Variants in AGGF1 observed in about 807,000 individuals in gnomAD.
AGGF1 encodes the protein angiogenic factor with G-patch and FHA domains 1.
In AGGF1, 56 loss-of-function variants were observed where a neutral mutation model predicts 86.5. The ratio of observed to expected loss-of-function variants is 0.65; its 90% CI spans 0.52 to 0.81. AGGF1 has a LOEUF of 0.81. Among genes scored for constraint, AGGF1 ranks in the 30% least tolerant of loss-of-function variants. The pLI, the probability that AGGF1 is intolerant of heterozygous loss-of-function variation, is 0.00. For synonymous variants in AGGF1, 313 were observed against 297.1 expected (o/e 1.05, Z -0.55); for missense variants, 816 against 850.9 (o/e 0.96, Z 0.51).
rs779925481 is a variant in AGGF1, at chr5:77,063,264, A to G, written c.*12A>G. ...GGACTTTAGAGTGAAGGCTAATCAT[A>G]GAAAAAAAACCTCTAGTTTTTTTAA... On this transcript the variant is annotated 3_prime_UTR_variant, in exon 14 of 14. Transcript: ENST00000312916. The G allele has an allele frequency of 6.3e-7, 1 of 1,593,354 alleles. No individual in the cohort carries two copies.
At chr5:77,056,955 A>G (rs1747472542) in intron 11 of AGGF1, among the ~76,000 whole-genome samples, 1 of 152,188 alleles carries the variant, frequency 6.6e-6, no homozygotes, top group Non-Finnish European at 1.5e-5. Context: ...AAAGATTTGA[A>G]TAGATGCTTC....
chr5:77,041,592 A>AGGC (rs1747083684), intron 5 of AGGF1, among the ~76,000 whole-genome samples: 2 of 150,126 alleles, frequency 1.3e-5, no homozygotes, highest in Non-Finnish European at 3.0e-5. Flanking sequence ...AAAAAGAAGA[A>AGGC]GGCTAGGTTG....
Position 77,031,119 on chromosome 5 carries a change from T to TA in AGGF1, c.210+144dup, listed in dbSNP as rs147841697. 7,612 of 900,440 alleles carry TA rather than the reference T, an allele frequency of 8.5e-3. 48 individuals carry two copies. Among genetic ancestry groups the TA allele is most frequent in the Non-Finnish European group, 0.011 (6,417 of 579,230 alleles). The allele number at this position is 900,440 out of a possible 1,614,324, so 55.8% of individuals were successfully genotyped here. On this transcript the variant is annotated intron_variant, in intron 1 of 13. Coordinates refer to ENST00000312916, the MANE Select transcript of AGGF1 (RefSeq NM_018046.5). The stretch of plus-strand genomic sequence containing the variant: ...TAAATAAGTAGAAGCTCAGCGCAGT[T>TA]ACAATTCCAAGTACCTTAGGAGCAA...
intron 12 of AGGF1, among the ~76,000 whole-genome samples, chr5:77,060,807 G>A (rs1026313757): frequency 2.0e-5 from 3 of 152,076 alleles, no homozygotes; most frequent in African/African-American, 7.2e-5. Context: ...TACAAAGTAG[G>A]TACACTAAGC....
intron 1 of AGGF1, among the ~76,000 whole-genome samples, chr5:77,033,095 A>T (rs1182475905): frequency 6.6e-6 from 1 of 152,216 alleles, no homozygotes; most frequent in Non-Finnish European, 1.5e-5. Context: ...TCTCATAGAA[A>T]GTCTTGACTC....
At chr5:77,046,805 G>T in intron 6 of AGGF1, 128 bp downstream of exon 6, 1 of 973,298 alleles carries the variant, frequency 1.0e-6, no homozygotes. Context: ...TGATGTTATT[G>T]AAAATGTTGT....
At chr5:77,061,085 G>A (rs745644767) in intron 12 of AGGF1, among the ~76,000 whole-genome samples, 3 of 152,042 alleles carry the variant, frequency 2.0e-5, no homozygotes, top group Non-Finnish European at 4.4e-5. Flanking sequence ...TATGTAACAT[G>A]TACAGAAAAT....
chr5:77,032,554 A>C (rs1746887765), intron 1 of AGGF1, among the ~76,000 whole-genome samples: 2 of 114,470 alleles, frequency 1.7e-5, no homozygotes, highest in African/African-American at 7.0e-5. Context: ...ACAAAGCAAG[A>C]CTCCGTCTCA....
In AGGF1 at chr5:77,064,540, G is replaced by A. The variant is rs1742753583; in HGVS notation, c.*1288G>A. On this transcript the variant is annotated 3_prime_UTR_variant, in exon 14 of 14. Transcript: ENST00000312916. ...TGGAGAAGGAGAAACTATGACTAAAGATGAGAGGTATGAACGAGTTGTCAG... is the reference window on the plus strand; with the variant it reads ...TGGAGAAGGAGAAACTATGACTAAAAATGAGAGGTATGAACGAGTTGTCAG... The A allele has an allele frequency of 6.6e-6, 1 of 152,212 alleles. No homozygotes were observed. Among genetic ancestry groups the A allele is most frequent in the Non-Finnish European group, 1.5e-5 (1 of 68,034 alleles). 9.4% of individuals were successfully genotyped at this position (152,212 alleles called of 1,614,324 possible). A position where few individuals can be genotyped will look rare whatever the true frequency, so the allele number is the denominator to read the frequency against.
At chr5:77,045,663 A>AATTCATGTC (rs1747234608) in intron 5 of AGGF1, among the ~76,000 whole-genome samples, 1 of 152,218 alleles carries the variant, frequency 6.6e-6, no homozygotes, top group African/African-American at 2.4e-5. Flanking sequence ...TGGATCTTTA[A>AATTCATGTC]ATTCATGTCA....
intron 6 of AGGF1, 88 bp downstream of exon 6, chr5:77,046,765 A>G (rs567295082): frequency 1.3e-5 from 16 of 1,224,868 alleles, no homozygotes; most frequent in East Asian, 2.3e-5. Context: ...GAGTTGTAGT[A>G]TATCTGCCAG....
Position 77,030,964 on chromosome 5 carries a change from G to A in AGGF1, c.198G>A (p.Glu66=), listed in dbSNP as rs201237470. ...LYQNAESNNQ[E]LRTQVEELSK... The stretch of plus-strand genomic sequence containing the variant: ...AGAACGCAGAAAGCAACAACCAGGA[G>A]CTCCGCACGCAGGTGCGCGGTCCTC... The change falls in exon 1 of 14, where the codon GAG becomes GAA. Residue 66 remains glutamate, a synonymous_variant. Transcript: ENST00000312916. 8.7e-6 allele frequency: 14 copies of A among 1,612,098 alleles called. No individual in the cohort carries two copies. Among genetic ancestry groups the A allele is most frequent in the African/African-American group, 1.3e-5 (1 of 74,948 alleles).
intron 4 of AGGF1, among the ~76,000 whole-genome samples, chr5:77,037,957 A>G (rs916095804): frequency 6.6e-6 from 1 of 152,232 alleles, no homozygotes; most frequent in African/African-American, 2.4e-5. Context: ...GATGACAATG[A>G]TAGAACTCAG....
rs531180034 is a variant in AGGF1, at chr5:77,034,319, C to T, written c.211-99C>T. 7.0e-4 allele frequency: 553 copies of T among 792,524 alleles called. 4 individuals carry two copies. The highest frequency in any genetic ancestry group is 9.2e-4 in the Non-Finnish European group (427 of 463,658). The allele number at this position is 792,524 out of a possible 1,614,324, so 49.1% of individuals were successfully genotyped here. The stretch of plus-strand genomic sequence containing the variant: ...TGAAAGGGAAACTTGCTGCTCTTGA[C>T]ATTTCTCTAAAACAATTATTTGTAA... On this transcript the variant is annotated intron_variant, in intron 1 of 13. Coordinates refer to ENST00000312916, the MANE Select transcript of AGGF1 (RefSeq NM_018046.5).
intron 5 of AGGF1, 30 bp from the exon 6 acceptor site, chr5:77,046,317 G>A: frequency 6.4e-7 from 1 of 1,555,938 alleles, no homozygotes; most frequent in Non-Finnish European, 8.9e-7. Flanking sequence ...ATTCTCCCCT[G>A]TTCCCTCGTA....
intron 7 of AGGF1, 119 bp from the exon 8 acceptor site, chr5:77,048,817 A>G (rs775265214): frequency 6.3e-6 from 6 of 952,234 alleles, no homozygotes; most frequent in African/African-American, 3.3e-5. Flanking sequence ...ATCCATAACC[A>G]GGAGATTTAC....
At chr5:77,048,102 C>G in intron 6 of AGGF1, 59 bp from the exon 7 acceptor site, 1 of 1,100,572 alleles carries the variant, frequency 9.1e-7, no homozygotes, top group Non-Finnish European at 1.4e-6. Context: ...CTAGTTATCC[C>G]TATGAAGTTC....
chr5:77,032,342 C>T (rs1303828821), intron 1 of AGGF1, among the ~76,000 whole-genome samples: 2 of 148,850 alleles, frequency 1.3e-5, no homozygotes, highest in African/African-American at 5.0e-5. Flanking sequence ...CCGAGGCGGG[C>T]GAATCACGAG....
chr5:77,046,380 G>A lies in AGGF1; in HGVS notation c.904G>A (p.Val302Ile), dbSNP rs1382457825. 3 of 1,613,694 alleles carry A rather than the reference G, an allele frequency of 1.9e-6. No individual in the cohort carries two copies. Among genetic ancestry groups the A allele is most frequent in the African/African-American group, 1.3e-5 (1 of 74,886 alleles). Residue 302 changes from valine to isoleucine, a missense_variant, in exon 6 of 14, where the codon GTT becomes ATT. Physicochemically the swap from Val to Ile is conservative, Grantham distance 29 (BLOSUM62 3). Coordinates refer to ENST00000312916, the MANE Select transcript of AGGF1 (RefSeq NM_018046.5). ...CTCAGAGGATCAAAAAGCCTTCAGT[G>A]TTGAACATACAAGCTGCAATGAGGA... The part of the protein sequence containing the change: ...LNSEDQKAFS[V>I]EHTSCNEEEN...
Sources: allele counts gnomAD v4.1 joint callset (sites outside exome capture counted in the v4.1 genomes callset), GRCh38; gene constraint gnomAD v4.1.1; transcripts MANE v1.5; gene names NCBI Gene and HGNC (gene_info 2026-07-23, HGNC 2026-07-21).